C17orf99: variants seen among roughly 807,000 people sequenced by gnomAD.
C17orf99 encodes the protein protein IL-40.
In C17orf99, 18 loss-of-function variants were observed where a neutral mutation model predicts 22.6. The ratio of observed to expected loss-of-function variants is 0.80; its 90% CI spans 0.55 to 1.18. The LOEUF is 1.18. Ranked by LOEUF, C17orf99 falls within the 50% of genes most tolerant of loss-of-function variation. The pLI is 0.00. For synonymous variants in C17orf99, 147 were observed against 136.6 expected (o/e 1.08, Z -0.53); for missense variants, 328 against 342.7 (o/e 0.96, Z 0.34).
At chr17:78,158,945 C>T (rs2075550732) in intron 2 of C17orf99, 1 of 163,288 alleles carries the variant, frequency 6.1e-6, no homozygotes, top group Non-Finnish European at 1.5e-5. Context: ...GGGACCAGCC[C>T]CGTCCCCTGC....
intron 2 of C17orf99, among the ~76,000 whole-genome samples, chr17:78,155,052 G>GGCTGACTGTGCACTGTAGGAT (rs2075514606): frequency 6.6e-6 from 1 of 151,882 alleles, no homozygotes. Context: ...TCGCGGTGGG[G>GGCTGACTGTGCACTGTAGGAT]GCTGACTGTG....
At chr17:78,157,540 C>A (rs1394792397) in intron 2 of C17orf99, 5 of 896,302 alleles carry the variant, frequency 5.6e-6, no homozygotes, top group Non-Finnish European at 8.1e-6. Context: ...GGCTCACGCC[C>A]GTAATCCCAT....
At chr17:78,152,549 G>A (rs2075492747) in intron 2 of C17orf99, among the ~76,000 whole-genome samples, 1 of 151,822 alleles carries the variant, frequency 6.6e-6, no homozygotes, top group African/African-American at 2.4e-5. Flanking sequence ...TGGCCCGGCT[G>A]GTCTCGAACT....
chr17:78,147,795 A>T (rs1240079796), intron 2 of C17orf99, among the ~76,000 whole-genome samples: 1 of 152,010 alleles, frequency 6.6e-6, no homozygotes, highest in Non-Finnish European at 1.5e-5. Flanking sequence ...TTAAAAACGG[A>T]TACATTGTTG....
chr17:78,164,471 C>T, intron 4 of C17orf99, 107 bp downstream of exon 4: 2 of 1,545,854 alleles, frequency 1.3e-6, no homozygotes, highest in Non-Finnish European at 1.7e-6. Flanking sequence ...TCTACCCGGC[C>T]ACTGCTGAGA....
chr17:78,155,654 T>A (rs1266050181), intron 2 of C17orf99, among the ~76,000 whole-genome samples: 3 of 151,696 alleles, frequency 2.0e-5, no homozygotes, highest in South Asian at 4.2e-4. Flanking sequence ...TGAGACGGAG[T>A]CTTGCTCTGT....
intron 2 of C17orf99, among the ~76,000 whole-genome samples, chr17:78,159,286 G>A (rs914837811): frequency 5.3e-5 from 8 of 152,166 alleles, no homozygotes; most frequent in African/African-American, 1.9e-4. Flanking sequence ...GCAGTGAGCT[G>A]AGATCGTGCT....
At chr17:78,156,886 T>A (rs2075529158) in intron 2 of C17orf99, among the ~76,000 whole-genome samples, 1 of 152,040 alleles carries the variant, frequency 6.6e-6, no homozygotes, top group Non-Finnish European at 1.5e-5. Context: ...GTGCTGGGAT[T>A]CCAGGCGCAG....
upstream of C17orf99, among the ~76,000 whole-genome samples, chr17:78,145,962 AT>A (rs1567814828): frequency 6.6e-6 from 1 of 151,928 alleles, no homozygotes; most frequent in Non-Finnish European, 1.5e-5. Flanking sequence ...CGCCCGGCTG[AT>A]TTTTAGTAGA....
chr17:78,164,741 A>T, intron 4 of C17orf99: 2 of 1,313,856 alleles, frequency 1.5e-6, no homozygotes, highest in Non-Finnish European at 2.0e-6. Context: ...CTGGCTGCAG[A>T]GCTCAGGTGG....
chr17:78,155,734 C>A (rs1170382600), intron 2 of C17orf99, among the ~76,000 whole-genome samples: 4 of 152,056 alleles, frequency 2.6e-5, no homozygotes, highest in African/African-American at 9.7e-5. Flanking sequence ...TCAAGTGATT[C>A]TCTGGCCTCA....
chr17:78,148,942 G>A (rs977281866), intron 2 of C17orf99, among the ~76,000 whole-genome samples: 27 of 152,266 alleles, frequency 1.8e-4, no homozygotes, highest in Admixed American at 1.7e-3. Flanking sequence ...TGGGCAATGC[G>A]GGAGAGGCAG....
At chr17:78,161,362 G>A (rs2075575345) in intron 3 of C17orf99, 108 bp downstream of exon 3, 1 of 976,746 alleles carries the variant, frequency 1.0e-6, no homozygotes, top group Non-Finnish European at 1.5e-6. Context: ...GAGAGCCAGG[G>A]TGTGAGGGTG....
At chr17:78,155,513 C>T (rs116488347) in intron 2 of C17orf99, among the ~76,000 whole-genome samples, 1,916 of 152,198 alleles carry the variant, frequency 0.013, 38 homozygotes, top group African/African-American at 0.044. Context: ...GGTGGGGTCT[C>T]ACTATGTTGC....
chr17:78,165,049 A>C (rs1321270010), intron 4 of C17orf99: 1 of 1,064,602 alleles, frequency 9.4e-7, no homozygotes, highest in Admixed American at 5.3e-5. Context: ...CACCTTGGGC[A>C]GTCTTTCCGA....
chr17:78,149,954 C>T (rs537559350), intron 2 of C17orf99, among the ~76,000 whole-genome samples: 2 of 152,068 alleles, frequency 1.3e-5, no homozygotes, highest in South Asian at 2.1e-4. Flanking sequence ...CGTGATCTGC[C>T]CACCTTGGCC....
intron 2 of C17orf99, among the ~76,000 whole-genome samples, chr17:78,147,390 G>C (rs2075445211): frequency 6.6e-6 from 1 of 152,194 alleles, no homozygotes; most frequent in South Asian, 2.1e-4. Context: ...TCCCCCAGGG[G>C]CCTGACATAC....
chr17:78,164,720 C>G, intron 4 of C17orf99: 1 of 1,339,352 alleles, frequency 7.5e-7, no homozygotes, highest in South Asian at 1.2e-5. Flanking sequence ...CCTGAGAGGT[C>G]CAACCGGGCC....
At chr17:78,162,243 G>A in intron 3 of C17orf99, among the ~76,000 whole-genome samples, 1 of 146,474 alleles carries the variant, frequency 6.8e-6, no homozygotes, top group African/African-American at 2.6e-5. Context: ...GCTGCTGCAT[G>A]CCAGCCTGGG....
Sources: allele counts gnomAD v4.1 joint callset (sites outside exome capture counted in the v4.1 genomes callset), GRCh38; gene constraint gnomAD v4.1.1; transcripts MANE v1.5; gene names NCBI Gene and HGNC (gene_info 2026-07-23, HGNC 2026-07-21).